Variants in TXNDC15 observed in about 807,000 individuals in gnomAD.
TXNDC15 encodes the protein thioredoxin domain containing 15, also known as thioredoxin domain-containing protein 15.
A neutral mutation model predicts 35.0 loss-of-function variants in TXNDC15; 24 were observed. The observed-to-expected ratio is 0.68, with a 90% CI of 0.50 to 0.96. TXNDC15 has a LOEUF of 0.96. Among genes scored for constraint, TXNDC15 ranks in the 40% least tolerant of loss-of-function variants. The probability of loss-of-function intolerance (pLI) is 0.00; values close to 1 mark genes in which losing one functional copy is unlikely to be tolerated. For missense variants in TXNDC15, 385 were observed against 453.3 expected, an observed-to-expected ratio of 0.85 and a Z score of 1.37; for synonymous variants, 169 against 174.0, an observed-to-expected ratio of 0.97 and a Z score of 0.23.
In TXNDC15 at chr5:134,883,841, G is replaced by A. The variant is rs201732277; in HGVS notation, c.104-3854G>A. Among the ~76,000 whole-genome samples, 35 of 151,350 alleles carry A rather than the reference G, an allele frequency of 2.3e-4. No individual in the cohort carries two copies. In the East Asian group the frequency reaches 6.6e-3, roughly 29 times the overall value. On this transcript the variant is annotated intron_variant, in intron 1 of 4. Coordinates refer to ENST00000358387, the MANE Select transcript of TXNDC15 (RefSeq NM_024715.4). ...GAGGCAGGAGAATTGCTTGAACCTG[G>A]GAGGTGGAGGTTGCAGTGAGCCGAG...
chr5:134,897,114 A>G (rs1328923709), intron 4 of TXNDC15, among the ~76,000 whole-genome samples: 1 of 150,320 alleles, frequency 6.7e-6, no homozygotes, highest in African/African-American at 2.5e-5. Context: ...TTGTATTTTT[A>G]GTAGAGACAG....
intron 1 of TXNDC15, among the ~76,000 whole-genome samples, chr5:134,880,889 C>T (rs1750128535): frequency 6.6e-6 from 1 of 151,056 alleles, no homozygotes; most frequent in South Asian, 2.1e-4. Context: ...TTTTCTTTGT[C>T]ACTGGTTTTG....
intron 3 of TXNDC15, among the ~76,000 whole-genome samples, chr5:134,894,909 C>T (rs1325173726): frequency 6.6e-6 from 1 of 151,974 alleles, no homozygotes; most frequent in Non-Finnish European, 1.5e-5. Context: ...TGCAGTGGCT[C>T]ACACCTGTAA....
upstream of TXNDC15, chr5:134,873,795 G>A (rs1749966735): frequency 6.6e-6 from 1 of 152,222 alleles, no homozygotes; most frequent in Non-Finnish European, 1.5e-5. Flanking sequence ...CTCCTGCCCT[G>A]AGTGGATAGG....
Position 134,887,786 on chromosome 5 carries a change from G to T in TXNDC15, c.195G>T (p.Leu65=), listed in dbSNP as rs923059533. The change falls in exon 2 of 5, where the codon CTG becomes CTT. Residue 65 remains leucine, a synonymous_variant. Transcript: ENST00000358387. ...TGTACCTGGGTGAGGAGGAGCTCCT[G>T]CATGACCCGATGGGCCAGGACAGGG... ...GAVYLGEEEL[L]HDPMGQDRAA... is the part of the protein sequence containing the mutation. 6.2e-7 allele frequency: 1 copy of T among 1,614,166 alleles called. No homozygotes were observed.
rs140362487 is a variant in TXNDC15 at position 134,876,905 on chromosome 5, G to T, written c.103+2375G>T. Among the ~76,000 whole-genome samples the T allele has an allele frequency of 1.3e-4, 20 of 152,206 alleles. No homozygotes were observed. The East Asian group carries it at 3.9e-3, about 29-fold the overall frequency. On this transcript the variant is annotated intron_variant, in intron 1 of 4. Transcript: ENST00000358387. ...TATGCCACTCTTCCCTAGGCAGTCA[G>T]CTAGCAAATTCTTACTGAGCACTCA...
chr5:134,897,601 CACTTTACTTATA>C (rs1750520108), intron 4 of TXNDC15, among the ~76,000 whole-genome samples: 1 of 152,238 alleles, frequency 6.6e-6, no homozygotes, highest in Admixed American at 6.5e-5. Flanking sequence ...ACATACCATA[CACTTTACTTATA>C]ACTTTTAACG....
intron 2 of TXNDC15, chr5:134,892,187 T>G (rs1210962099): frequency 6.6e-6 from 1 of 152,164 alleles, no homozygotes; most frequent in Non-Finnish European, 1.5e-5. Flanking sequence ...CCCATTGATC[T>G]TTGATGTTAC....
chr5:134,884,501 G>A lies in TXNDC15; in HGVS notation c.104-3194G>A, dbSNP rs191731104. On this transcript the variant is annotated intron_variant, in intron 1 of 4. Transcript: ENST00000358387. ...GACCTCAGGTGATCTACCCGCCTCAGCCTCCCAAAGTGCTGAGATTACAGG... is the reference window on the plus strand; with the variant it reads ...GACCTCAGGTGATCTACCCGCCTCAACCTCCCAAAGTGCTGAGATTACAGG... Among the ~76,000 whole-genome samples the A allele has an allele frequency of 5.9e-5, 9 of 152,024 alleles. No individual in the cohort carries two copies. In the East Asian group the frequency reaches 1.2e-3, roughly 20 times the overall value.
At chr5:134,895,602 G>GA (rs1233258860) in intron 3 of TXNDC15, among the ~76,000 whole-genome samples, 2 of 152,022 alleles carry the variant, frequency 1.3e-5, no homozygotes, top group Admixed American at 6.6e-5. Context: ...GTGTACAAAA[G>GA]AAAAAAATCC....
intron 4 of TXNDC15, among the ~76,000 whole-genome samples, chr5:134,897,637 T>G (rs1412113558): frequency 6.6e-6 from 1 of 152,212 alleles, no homozygotes; most frequent in African/African-American, 2.4e-5. Flanking sequence ...ATTTTTCACT[T>G]AATATTTACA....
chr5:134,888,544 CATG>C (rs1388142003), intron 2 of TXNDC15, among the ~76,000 whole-genome samples: 1 of 152,102 alleles, frequency 6.6e-6, no homozygotes, highest in East Asian at 1.9e-4. Flanking sequence ...AGTGCAATGG[CATG>C]ATATCGGCTC....
chr5:134,882,506 T>G (rs1198992051), intron 1 of TXNDC15, among the ~76,000 whole-genome samples: 4 of 151,806 alleles, frequency 2.6e-5, no homozygotes, highest in Non-Finnish European at 4.4e-5. Context: ...GGGAGGTGGA[T>G]GTTGTAGCGA....
At chr5:134,899,329 T>G (rs564062981) in intron 4 of TXNDC15, among the ~76,000 whole-genome samples, 160 bp from the exon 5 acceptor site, 5 of 152,192 alleles carry the variant, frequency 3.3e-5, no homozygotes, top group African/African-American at 9.7e-5. Context: ...CAAATTACAC[T>G]GATAGGCAAG....
chr5:134,899,674 C>T lies in TXNDC15; in HGVS notation c.1072C>T (p.His358Tyr). The T allele has an allele frequency of 6.2e-7, 1 of 1,607,292 alleles. No individual in the cohort carries two copies. The highest frequency in any genetic ancestry group is 8.5e-7 in the Non-Finnish European group (1 of 1,177,236). ...GCTAATTCCAGGACAAGAGCAGGAA[C>T]ATGTGGAGTAGTGATGGTCTGAAAG... ...RWLIPGQEQE[H>Y]VE is the part of the protein sequence containing the mutation. The change falls in exon 5 of 5, where the codon CAT becomes TAT. Residue 358 changes from histidine (H) to tyrosine (Y), a missense_variant. Physicochemically the swap from His to Tyr is moderately conservative, Grantham distance 83 (BLOSUM62 2). Transcript: ENST00000358387.
intron 1 of TXNDC15, among the ~76,000 whole-genome samples, chr5:134,877,774 ATT>A (rs1286005565): frequency 1.7e-4 from 23 of 136,330 alleles, no homozygotes; most frequent in East Asian, 2.1e-4. Context: ...TGCCTGGCTA[ATT>A]TTTTTTTTTT....
chr5:134,886,908 G>A (rs1434630290), intron 1 of TXNDC15, among the ~76,000 whole-genome samples: 2 of 152,218 alleles, frequency 1.3e-5, no homozygotes, highest in Non-Finnish European at 2.9e-5. Flanking sequence ...CTGTTCAGTG[G>A]TCTTGGTAAC....
chr5:134,899,162 C>CT (rs1750552011), intron 4 of TXNDC15, among the ~76,000 whole-genome samples: 1 of 152,038 alleles, frequency 6.6e-6, no homozygotes. Context: ...TTACTAGTTA[C>CT]TTACTGAACT....
intron 2 of TXNDC15, among the ~76,000 whole-genome samples, chr5:134,888,777 C>G (rs541377875): frequency 6.6e-6 from 1 of 152,072 alleles, no homozygotes; most frequent in South Asian, 2.1e-4. Context: ...CCACCGTGCC[C>G]GGCCATTTTT....
Sources: gnomAD v4.1 joint callset for allele counts (sites outside exome capture counted in the v4.1 genomes callset) on GRCh38, gnomAD v4.1.1 for gene constraint, MANE v1.5 for transcripts, NCBI Gene and HGNC (gene_info 2026-07-23, HGNC 2026-07-21) for gene names.